CDK5RAP2: variants seen among roughly 807,000 people sequenced by gnomAD.
CDK5RAP2 encodes the protein CDK5 regulatory subunit associated protein 2.
A neutral mutation model predicts 232.9 loss-of-function variants in CDK5RAP2; 147 were observed. The observed-to-expected ratio is 0.63, with a 90% CI of 0.55 to 0.72. The LOEUF is 0.72. CDK5RAP2 is among the 30% of genes least tolerant of loss of function. CDK5RAP2 has a pLI of 0.00. For synonymous variants in CDK5RAP2, 833 were observed against 833.7 expected, an observed-to-expected ratio of 1.00 and a Z score of 0.01; for missense variants, 2,195 against 2,231.5, an observed-to-expected ratio of 0.98 and a Z score of 0.33.
chr9:120,457,188 C>A (rs1173091321), intron 20 of CDK5RAP2, among the ~76,000 whole-genome samples: 1 of 152,114 alleles, frequency 6.6e-6, no homozygotes, highest in East Asian at 1.9e-4. Context: ...ATCCCCCAAC[C>A]AAGTGTCAGA....
At chr9:120,511,056 C>G (rs147465587) in intron 12 of CDK5RAP2, among the ~76,000 whole-genome samples, 32 of 152,344 alleles carry the variant, frequency 2.1e-4, no homozygotes, top group African/African-American at 7.2e-4. Flanking sequence ...AGAACTGACT[C>G]TCGGGGCTCA....
chr9:120,439,664 C>T lies in CDK5RAP2; in HGVS notation c.3457G>A (p.Ala1153Thr), dbSNP rs2035784557. 1 of 1,614,232 alleles carries T rather than the reference C, an allele frequency of 6.2e-7. No individual in the cohort carries two copies. The highest frequency in any genetic ancestry group is 8.5e-7 in the Non-Finnish European group (1 of 1,180,046). ...TTGGGCTTGCTCAAGCCATCCTGGG[C>T]CCCTTCTGTCCCACACAAAACTGTA... ...IITVLCGTEG[A>T]QDGLSKPKNG... The change falls in exon 24 of 38, where the codon GCC (alanine) becomes ACC (threonine). Residue 1153 changes from alanine (A) to threonine (T), a missense_variant. By Grantham distance (58) the Ala-to-Thr change is moderately conservative. Transcript: ENST00000349780.
At chr9:120,420,039 G>A (rs920896776) in intron 26 of CDK5RAP2, 79 bp from the exon 27 acceptor site, 8 of 1,161,088 alleles carry the variant, frequency 6.9e-6, no homozygotes, top group South Asian at 1.2e-5. Context: ...GAATACTTAC[G>A]ATTACTTTAC....
At chr9:120,507,531 C>A (rs745594493) in intron 12 of CDK5RAP2, among the ~76,000 whole-genome samples, 12 of 152,120 alleles carry the variant, frequency 7.9e-5, no homozygotes, top group Non-Finnish European at 1.5e-4. Flanking sequence ...TATCAGTACC[C>A]TCTAACTACA....
intron 36 of CDK5RAP2, among the ~76,000 whole-genome samples, chr9:120,390,728 C>T (rs913375272): frequency 2.6e-5 from 4 of 152,168 alleles, no homozygotes; most frequent in Non-Finnish European, 5.9e-5. Context: ...TCTGGAGCCG[C>T]GCCTTTAGCC....
intron 15 of CDK5RAP2, among the ~76,000 whole-genome samples, chr9:120,474,953 G>C (rs920242788): frequency 6.6e-6 from 1 of 152,142 alleles, no homozygotes; most frequent in African/African-American, 2.4e-5. Context: ...AAAACCTCCT[G>C]TAAACTAAGT....
intron 26 of CDK5RAP2, among the ~76,000 whole-genome samples, chr9:120,421,853 T>G (rs1588290541): frequency 6.6e-6 from 1 of 152,252 alleles, no homozygotes; most frequent in South Asian, 2.1e-4. Context: ...TTGGATGGAG[T>G]GTGACAGATT....
At chr9:120,500,283 G>GT (rs75013945) in intron 12 of CDK5RAP2, among the ~76,000 whole-genome samples, 4 of 150,430 alleles carry the variant, frequency 2.7e-5, no homozygotes, top group Non-Finnish European at 3.0e-5. Context: ...CATAAAACAA[G>GT]TTTTTTTTTT....
At position 120,529,877 on chromosome 9, in the gene CDK5RAP2, C is replaced by T. The variant is rs117557015; in HGVS notation, c.825+101G>A. ...CTGACAGGGGACTCATATTTAGAAG[C>T]AGGCTGTGTGTGAACCATGAGGACC... On this transcript the variant is annotated intron_variant, in intron 8 of 37. Coordinates refer to ENST00000349780, the MANE Select transcript of CDK5RAP2 (RefSeq NM_018249.6). 2.1e-3 allele frequency: 2,332 copies of T among 1,125,402 alleles called. 5 individuals are homozygous for T. Among genetic ancestry groups the T allele is most frequent in the Non-Finnish European group, 3.0e-3 (2,199 of 743,866 alleles). 69.7% of individuals were successfully genotyped at this position (1,125,402 alleles called of 1,614,324 possible).
At chr9:120,517,032 T>C (rs893349988) in intron 12 of CDK5RAP2, among the ~76,000 whole-genome samples, 2 of 152,200 alleles carry the variant, frequency 1.3e-5, no homozygotes, top group Admixed American at 1.3e-4. Context: ...GTATGCATCA[T>C]AATTCAACAT....
chr9:120,411,415 G>C lies in CDK5RAP2; in HGVS notation c.4357C>G (p.His1453Asp). 1 of 1,613,486 alleles carries C rather than the reference G, an allele frequency of 6.2e-7. No homozygotes were observed. The highest frequency in any genetic ancestry group is 8.5e-7 in the Non-Finnish European group (1 of 1,179,480). The change falls in exon 29 of 38, where the codon CAT becomes GAT. Residue 1453 changes from histidine to aspartate, a missense_variant. Physicochemically the swap from His to Asp is moderately conservative, Grantham distance 81. Coordinates refer to ENST00000349780, the MANE Select transcript of CDK5RAP2 (RefSeq NM_018249.6). ...GCCTGGTTCTGCTTCCTCAAGAAAT[G>C]AATTTCTGATGTTAGAGAACTATGA... The part of the protein sequence containing the change: ...ELHSSLTSEI[H>D]FLRKQNQALN...
intron 31 of CDK5RAP2, 151 bp downstream of exon 31, chr9:120,408,196 G>A: frequency 1.2e-6 from 1 of 865,566 alleles, no homozygotes; most frequent in Non-Finnish European, 1.9e-6. Context: ...GAAGAAGAGT[G>A]GGTCAAAGAG....
chr9:120,552,203 G>C (rs543517176), intron 3 of CDK5RAP2, among the ~76,000 whole-genome samples: 143 of 152,094 alleles, frequency 9.4e-4, no homozygotes, highest in African/African-American at 3.4e-3. Context: ...ACAGGTGCTG[G>C]AGAGGATGTG....
intron 12 of CDK5RAP2, among the ~76,000 whole-genome samples, chr9:120,514,381 C>A (rs146716419): frequency 9.9e-4 from 151 of 152,302 alleles, no homozygotes; most frequent in Non-Finnish European, 1.6e-3. Context: ...CGCACACACA[C>A]ACACACCCTT....
intron 14 of CDK5RAP2, among the ~76,000 whole-genome samples, chr9:120,485,365 G>C (rs1189752891): frequency 6.8e-6 from 1 of 147,228 alleles, no homozygotes; most frequent in East Asian, 2.0e-4. Flanking sequence ...CACGATCTCA[G>C]CTCACTGCAA....
intron 3 of CDK5RAP2, 120 bp downstream of exon 3, chr9:120,568,201 A>AC (rs1443150064): frequency 2.0e-5 from 16 of 805,886 alleles, no homozygotes; most frequent in South Asian, 1.8e-4. Context: ...GAGACATGGC[A>AC]CCCCCCTGCC....
chr9:120,425,462 C>T (rs946982567), intron 25 of CDK5RAP2, among the ~76,000 whole-genome samples: 1 of 152,148 alleles, frequency 6.6e-6, no homozygotes, highest in Non-Finnish European at 1.5e-5. Context: ...GTTGCTACAC[C>T]TAAGAGATGT....
chr9:120,571,967 T>C lies in CDK5RAP2; in HGVS notation c.127+7A>G, dbSNP rs201883930. 145 of 1,610,646 alleles carry C rather than the reference T, an allele frequency of 9.0e-5. No homozygotes were observed. The highest frequency in any genetic ancestry group is 1.2e-4 in the Non-Finnish European group (140 of 1,176,876). On this transcript the variant is annotated splice_region_variant and intron_variant, in intron 2 of 37. Coordinates refer to ENST00000349780, the MANE Select transcript of CDK5RAP2 (RefSeq NM_018249.6). ...ACTCAAGAGAATGCCTGGTTTTGTG[T>C]ACTTACGACCATTTCCCAACCCAGC... is the stretch of plus-strand genomic sequence containing the variant.
chr9:120,502,307 G>A (rs925744633), intron 12 of CDK5RAP2, among the ~76,000 whole-genome samples: 5 of 152,144 alleles, frequency 3.3e-5, no homozygotes, highest in East Asian at 1.9e-4. Flanking sequence ...AAATGTTCAC[G>A]TATCATGCTG....
Sources: gnomAD v4.1 joint callset for allele counts (sites outside exome capture counted in the v4.1 genomes callset) on GRCh38, gnomAD v4.1.1 for gene constraint, MANE v1.5 for transcripts, NCBI Gene and HGNC (gene_info 2026-07-23, HGNC 2026-07-21) for gene names.